EXD2: variants seen among roughly 807,000 people sequenced by gnomAD.
The protein encoded by EXD2 is exonuclease 3'-5' domain containing 2.
Under a neutral mutation model 62.5 loss-of-function variants are expected in EXD2, and 40 were observed. That is an observed-to-expected ratio of 0.64 (90% CI 0.50 to 0.83). The LOEUF is 0.83. EXD2 is among the 40% of genes least tolerant of loss of function. The pLI, the probability that EXD2 is intolerant of heterozygous loss-of-function variation, is 0.00. For missense variants in EXD2, 671 were observed against 761.8 expected (o/e 0.88, Z 1.40); for synonymous variants, 239 against 291.9 (o/e 0.82, Z 1.85).
At chr14:69,222,416 A>T (rs1291678355) in intron 3 of EXD2, among the ~76,000 whole-genome samples, 1 of 151,984 alleles carries the variant, frequency 6.6e-6, no homozygotes, top group East Asian at 1.9e-4. Context: ...TTTCCATATT[A>T]CTCCACTGAA....
intron 3 of EXD2, among the ~76,000 whole-genome samples, chr14:69,225,111 A>G (rs1214227695): frequency 1.3e-5 from 2 of 152,210 alleles, no homozygotes; most frequent in African/African-American, 4.8e-5. Flanking sequence ...GTCTAGCCAC[A>G]TTGGGCCTTA....
rs140399402 is a variant in EXD2, at chr14:69,239,720, G to A, written c.1650-1164G>A. On this transcript the variant is annotated intron_variant, in intron 9 of 9. Coordinates refer to ENST00000685843, the MANE Select transcript of EXD2 (RefSeq NM_001193360.2). ...TTTGTGAGGTTGTAGAATAGATGTT[G>A]TTTTGTAAGTAGCTGGGATTACAAG... 4.3e-4 allele frequency among the ~76,000 whole-genome samples: 66 copies of A among 152,316 alleles called. No individual in the cohort carries two copies. The East Asian group carries it at 0.012, about 28-fold the overall frequency.
In EXD2 at chr14:69,237,717, A is replaced by G. The variant is rs45557240; in HGVS notation, c.1435A>G (p.Lys479Glu). The change falls in exon 9 of 10, where the codon AAG becomes GAG. Residue 479 changes from lysine (K) to glutamate (E), a missense_variant. Coordinates refer to ENST00000685843, the MANE Select transcript of EXD2 (RefSeq NM_001193360.2). ...CAACCATCTGAAGCAGCAGCTGGCC[A>G]AGGAGTTCCAGGCCCCCATCGGCTC... The part of the protein sequence containing the change: ...YDNHLKQQLA[K>E]EFQAPIGSEE... 0.011 allele frequency: 18,044 copies of G among 1,614,134 alleles called. 201 individuals are homozygous for G. The highest frequency in any genetic ancestry group is 0.011 in the Non-Finnish European group (13,542 of 1,179,978).
rs1310154094 is a variant in EXD2, at chr14:69,212,015, A to C, written c.333+2212A>C. Among the ~76,000 whole-genome samples the C allele has an allele frequency of 2.6e-5, 4 of 152,340 alleles. No homozygotes were observed. The East Asian group carries it at 7.7e-4, about 29-fold the overall frequency. ...CCTGATTGCTGTCATAAAAAACTCA[A>C]TGAAAAAGTCATTCATGGCTTCCTT... is the stretch of plus-strand genomic sequence containing the variant. On this transcript the variant is annotated intron_variant, in intron 3 of 9. Transcript: ENST00000685843.
At chr14:69,225,631 A>T (rs2043332821) in intron 3 of EXD2, among the ~76,000 whole-genome samples, 1 of 152,208 alleles carries the variant, frequency 6.6e-6, no homozygotes, top group African/African-American at 2.4e-5. Context: ...TGCTAATAAG[A>T]CCACTGGTTT....
intron 2 of EXD2, among the ~76,000 whole-genome samples, chr14:69,205,058 A>G (rs1384313506): frequency 6.6e-6 from 1 of 152,162 alleles, no homozygotes; most frequent in Admixed American, 6.5e-5. Context: ...ACATTCTTAT[A>G]TGAGTCTTTT....
At chr14:69,196,933 T>G (rs1004476834) in intron 1 of EXD2, among the ~76,000 whole-genome samples, 1 of 152,182 alleles carries the variant, frequency 6.6e-6, no homozygotes, top group Non-Finnish European at 1.5e-5. Flanking sequence ...TTTGTTTTTT[T>G]GAATAGAACC....
chr14:69,215,224 A>G (rs1370834520), intron 3 of EXD2, among the ~76,000 whole-genome samples: 1 of 152,080 alleles, frequency 6.6e-6, no homozygotes, highest in Non-Finnish European at 1.5e-5. Context: ...CAGGAGGCAG[A>G]GGTTGCAGTG....
chr14:69,199,612 T>A (rs2042321592), intron 1 of EXD2, among the ~76,000 whole-genome samples: 1 of 151,780 alleles, frequency 6.6e-6, no homozygotes, highest in Non-Finnish European at 1.5e-5. Flanking sequence ...TTTTTTTTTT[T>A]ACCTTTTTAA....
rs114639397 is a variant in EXD2 at position 69,193,863 on chromosome 14, A to G, written c.-132+2272A>G. ...TTTGTTCCACTAGGATGGTGCTGCT[A>G]TTGGTTATCTAGTGAGTAAAAGCGA... On this transcript the variant is annotated intron_variant, in intron 1 of 9. Coordinates refer to ENST00000685843, the MANE Select transcript of EXD2 (RefSeq NM_001193360.2). Among the ~76,000 whole-genome samples, 1,301 of 152,152 alleles carry G rather than the reference A, an allele frequency of 8.6e-3. 23 individuals carry two copies. Among genetic ancestry groups the G allele is most frequent in the African/African-American group, 0.03 (1,245 of 41,526 alleles).
chr14:69,221,986 G>C (rs1039403166), intron 3 of EXD2, among the ~76,000 whole-genome samples: 2 of 151,266 alleles, frequency 1.3e-5, no homozygotes, highest in African/African-American at 4.9e-5. Context: ...TACTCGGGAG[G>C]CTGAGGCAGG....
intron 3 of EXD2, among the ~76,000 whole-genome samples, chr14:69,216,552 C>T (rs891282979): frequency 2.6e-5 from 4 of 152,004 alleles, no homozygotes; most frequent in East Asian, 3.9e-4. Context: ...CTCAGCCACC[C>T]GAGTAGCTGG....
rs559434643 is a variant in EXD2 at position 69,228,897 on chromosome 14, C to T, written c.415C>T (p.Pro139Ser). Residue 139 changes from proline (P) to serine (S), a missense_variant, in exon 4 of 10, where the codon CCC (proline) becomes TCC (serine). By Grantham distance (74) the Pro-to-Ser change is moderately conservative. Transcript: ENST00000685843. ...PSGLCVLVRL[P>S]KLICGGKTLP... The stretch of plus-strand genomic sequence containing the variant: ...TGGCCTGTGTGTCTTGGTTCGCCTG[C>T]CCAAGCTAATCTGTGGAGGAAAAAC... The T allele has an allele frequency of 6.2e-7, 1 of 1,614,194 alleles. No homozygotes were observed. Among genetic ancestry groups the T allele is most frequent in the Admixed American group, 1.7e-5 (1 of 60,026 alleles).
chr14:69,232,060 G>A (rs2043603197), intron 5 of EXD2, among the ~76,000 whole-genome samples: 1 of 152,160 alleles, frequency 6.6e-6, no homozygotes, highest in Non-Finnish European at 1.5e-5. Flanking sequence ...AAAGGTGCCA[G>A]TGGTTTTAAC....
intron 3 of EXD2, among the ~76,000 whole-genome samples, chr14:69,219,014 C>T (rs1233823868): frequency 6.6e-6 from 1 of 152,106 alleles, no homozygotes; most frequent in Non-Finnish European, 1.5e-5. Context: ...TACATATGAA[C>T]TTTAAAGTAG....
intron 2 of EXD2, among the ~76,000 whole-genome samples, chr14:69,207,201 A>AT (rs1345909164): frequency 3.3e-5 from 5 of 150,502 alleles, no homozygotes; most frequent in Non-Finnish European, 5.9e-5. Context: ...TAAATATGAA[A>AT]TTTTTTTTTT....
chr14:69,236,568 G>C, intron 8 of EXD2, 26 bp downstream of exon 8: 1 of 1,613,808 alleles, frequency 6.2e-7, no homozygotes, highest in Non-Finnish European at 8.5e-7. Flanking sequence ...GGCCACCCTG[G>C]TTGTCTGTGG....
Position 69,230,500 on chromosome 14 carries a change from C to G in EXD2, c.619C>G (p.Leu207Val). 8 of 1,613,372 alleles carry G rather than the reference C, an allele frequency of 5.0e-6. No homozygotes were observed. The highest frequency in any genetic ancestry group is 5.9e-6 in the Non-Finnish European group (7 of 1,179,664). Residue 207 changes from leucine to valine, a missense_variant, in exon 5 of 10, where the codon CTG (leucine) becomes GTG (valine). Leu to Val is a conservative substitution (Grantham distance 32, BLOSUM62 1). Transcript: ENST00000685843. ...RNNLLCNGLSLKSLAETVLNF... is the reference protein window; with the variant it reads ...RNNLLCNGLSVKSLAETVLNF... ...CAATTTGCTCTGTAATGGGCTTAGC[C>G]TGAAGTCCCTCGCTGAGACTGTTTT... is the stretch of plus-strand genomic sequence containing the variant.
rs1825605165 is a variant in EXD2, at chr14:69,193,670, C to G, written c.-132+2079C>G. Among the ~76,000 whole-genome samples, 4 of 152,244 alleles carry G rather than the reference C, an allele frequency of 2.6e-5. No individual in the cohort carries two copies. In the South Asian group the frequency reaches 8.3e-4, roughly 32 times the overall value. On this transcript the variant is annotated intron_variant, in intron 1 of 9. Coordinates refer to ENST00000685843, the MANE Select transcript of EXD2 (RefSeq NM_001193360.2). ...TTTTAAGTTGTTGCTTGTCTTTTAA[C>G]TATATGGCATCTTTGTTGAAACAAA...
Sources: gnomAD v4.1 joint callset for allele counts (sites outside exome capture counted in the v4.1 genomes callset) on GRCh38, gnomAD v4.1.1 for gene constraint, MANE v1.5 for transcripts, NCBI Gene and HGNC (gene_info 2026-07-23, HGNC 2026-07-21) for gene names.